Variants in DPY19L1 observed in about 807,000 individuals in gnomAD.
DPY19L1 encodes the protein protein C-mannosyl-transferase DPY19L1.
A neutral mutation model predicts 96.9 loss-of-function variants in DPY19L1; 35 were observed. That is an observed-to-expected ratio of 0.36 (90% CI 0.28 to 0.48). The LOEUF is 0.48. Ranked by LOEUF, DPY19L1 falls within the 20% of genes least tolerant of loss-of-function variation. DPY19L1 has a pLI of 0.99. For synonymous variants in DPY19L1, 205 were observed against 252.6 expected (o/e 0.81, Z 1.79); for missense variants, 521 against 777.9 (o/e 0.67, Z 3.93).
At chr7:34,944,009 T>A (rs1353089593) in intron 16 of DPY19L1, among the ~76,000 whole-genome samples, 2 of 152,146 alleles carry the variant, frequency 1.3e-5, no homozygotes. Flanking sequence ...TAATTTATCA[T>A]TATGTTGGCA....
chr7:35,037,824 G>A, upstream of DPY19L1: 1 of 1,228,728 alleles, frequency 8.1e-7, no homozygotes, highest in African/African-American at 1.6e-5. Context: ...ACACCTCTTC[G>A]GCGCCCGCGC....
chr7:35,015,579 G>C (rs1785826659), intron 3 of DPY19L1, among the ~76,000 whole-genome samples: 1 of 152,238 alleles, frequency 6.6e-6, no homozygotes, highest in Admixed American at 6.5e-5. Context: ...TGGTCTGAAA[G>C]AGGGAGGAAT....
At chr7:35,024,642 G>C (rs904979092) in intron 1 of DPY19L1, among the ~76,000 whole-genome samples, 9 of 152,056 alleles carry the variant, frequency 5.9e-5, no homozygotes, top group African/African-American at 2.2e-4. Context: ...GATGCACTGG[G>C]CAACAATCCC....
chr7:34,969,506 A>G lies in DPY19L1; in HGVS notation c.941T>C (p.Leu314Ser). The change falls in exon 9 of 22, where the codon TTG becomes TCG. Residue 314 changes from leucine (L) to serine (S), a missense_variant. Coordinates refer to ENST00000638088, the MANE Select transcript of DPY19L1 (RefSeq NM_001366673.1). ...LRATKLYRGS[L>S]IALCISNVFF... ...TACATTGGAAATGCAGAGTGCAATC[A>G]AGCTTCCTCTATAAAGTTTTGTAGC... The G allele has an allele frequency of 1.9e-6, 3 of 1,571,624 alleles. No homozygotes were observed. Among genetic ancestry groups the G allele is most frequent in the Non-Finnish European group, 2.6e-6 (3 of 1,161,646 alleles).
At chr7:34,998,077 ATCTC>A (rs1785333394) in intron 6 of DPY19L1, among the ~76,000 whole-genome samples, 2 of 152,268 alleles carry the variant, frequency 1.3e-5, no homozygotes. Context: ...GCTTAAAAAA[ATCTC>A]TCAGATATCA....
At chr7:34,935,554 AT>A (rs1783851213) in intron 21 of DPY19L1, among the ~76,000 whole-genome samples, 2 of 152,192 alleles carry the variant, frequency 1.3e-5, no homozygotes, top group Non-Finnish European at 2.9e-5. Context: ...AAATGAGATC[AT>A]TTAAACATAG....
rs1161959357 is a variant in DPY19L1, at chr7:35,017,501, CAAAA to C, written c.411+377_411+380del. On this transcript the variant is annotated intron_variant, in intron 3 of 21. Coordinates refer to ENST00000638088, the MANE Select transcript of DPY19L1 (RefSeq NM_001366673.1). ...TGGGCGACAGAGCGAGACTCCGTCT[CAAAA>C]AAAAAAAAAAAAAAAAATTAGCCGG... 5.8e-4 allele frequency among the ~76,000 whole-genome samples: 8 copies of C among 13,682 alleles called. 1 individual carries two copies. Among genetic ancestry groups the C allele is most frequent in the Non-Finnish European group, 9.2e-4 (7 of 7,620 alleles). The allele number at this position is 13,682 out of a possible 152,430, so 9.0% of individuals were successfully genotyped here.
chr7:34,989,967 A>C, intron 6 of DPY19L1, 26 bp from the exon 7 acceptor site: 1 of 1,595,368 alleles, frequency 6.3e-7, no homozygotes, highest in Non-Finnish European at 8.5e-7. Flanking sequence ...ACATAACTCA[A>C]ATAACAAAAA....
upstream of DPY19L1, chr7:35,038,036 T>C: frequency 1.6e-6 from 1 of 641,634 alleles, no homozygotes; most frequent in Non-Finnish European, 2.2e-6. Context: ...GAGCGGCCAC[T>C]TAGGGGCGCT....
intron 1 of DPY19L1, among the ~76,000 whole-genome samples, chr7:35,020,518 G>T (rs572600233): frequency 2.6e-5 from 4 of 152,266 alleles, no homozygotes; most frequent in Non-Finnish European, 5.9e-5. Flanking sequence ...CATTTCTTAT[G>T]AAGTTTCTCC....
chr7:35,024,101 G>T (rs1300845245), intron 1 of DPY19L1, among the ~76,000 whole-genome samples: 2 of 152,176 alleles, frequency 1.3e-5, no homozygotes, highest in East Asian at 3.9e-4. Flanking sequence ...CTCCCAAAGT[G>T]CCGGGATAAC....
At chr7:34,944,758 C>G (rs1784106759) in intron 16 of DPY19L1, among the ~76,000 whole-genome samples, 1 of 152,162 alleles carries the variant, frequency 6.6e-6, no homozygotes, top group African/African-American at 2.4e-5. Flanking sequence ...TCCCCATCAT[C>G]TCTGTATTTC....
At chr7:34,967,086 C>T (rs916014107) in intron 9 of DPY19L1, 115 bp from the exon 10 acceptor site, 37 of 699,370 alleles carry the variant, frequency 5.3e-5, no homozygotes, top group Non-Finnish European at 7.2e-5. Flanking sequence ...GTGAGTTCTT[C>T]TGTTTTCCTT....
At chr7:34,968,549 T>C (rs2128667500) in intron 9 of DPY19L1, among the ~76,000 whole-genome samples, 1 of 152,040 alleles carries the variant, frequency 6.6e-6, no homozygotes, top group Admixed American at 6.5e-5. Context: ...AGCGGGTGGA[T>C]CACGAAGTCA....
In DPY19L1 at chr7:34,967,511, G is replaced by A. The variant is rs576192780; in HGVS notation, c.1015-540C>T. 9.9e-5 allele frequency among the ~76,000 whole-genome samples: 15 copies of A among 152,066 alleles called. No homozygotes were observed. In the East Asian group the frequency reaches 2.3e-3, roughly 24 times the overall value. On this transcript the variant is annotated intron_variant, in intron 9 of 21. Transcript: ENST00000638088. Reference sequence around the variant, plus strand: ...TCAATTTCAAATTAAGAGTACTTTCGCTGCAAAGGTATTTTTAACTTTCTT... The same window carrying A: ...TCAATTTCAAATTAAGAGTACTTTCACTGCAAAGGTATTTTTAACTTTCTT...
chr7:34,950,716 G>A (rs1421391339), intron 13 of DPY19L1, among the ~76,000 whole-genome samples: 6 of 152,126 alleles, frequency 3.9e-5, no homozygotes. Flanking sequence ...GTCTTGTTGG[G>A]AGAAGAAATG....
chr7:34,944,625 T>C (rs1444717467), intron 16 of DPY19L1, among the ~76,000 whole-genome samples: 1 of 152,144 alleles, frequency 6.6e-6, no homozygotes, highest in East Asian at 1.9e-4. Flanking sequence ...ATTTTAAAAA[T>C]TCAATAATGT....
At chr7:35,037,701 G>T (rs1786471689), upstream of DPY19L1, 3 of 495,232 alleles carry the variant, frequency 6.1e-6, no homozygotes, top group Non-Finnish European at 7.9e-6. Flanking sequence ...GCGAGCGGCC[G>T]CGGCCCCGCC....
At chr7:34,970,845 GAAA>G (rs3048603) in intron 8 of DPY19L1, among the ~76,000 whole-genome samples, 6,724 of 106,668 alleles carry the variant, frequency 0.063, 340 homozygotes, top group African/African-American at 0.16. Context: ...TGCCAAGAAT[GAAA>G]AAAAAAAAAA....
Sources: allele counts gnomAD v4.1 joint callset (sites outside exome capture counted in the v4.1 genomes callset), GRCh38; gene constraint gnomAD v4.1.1; transcripts MANE v1.5; gene names NCBI Gene and HGNC (gene_info 2026-07-23, HGNC 2026-07-21).